Variants in CDH12 observed in about 807,000 individuals in gnomAD.
CDH12 encodes cadherin 12.
CDH12 carries 41 observed loss-of-function variants against 74.1 expected under a neutral mutation model. The ratio of observed to expected loss-of-function variants is 0.55; its 90% CI spans 0.43 to 0.72. The LOEUF is 0.72. CDH12 is among the 30% of genes least tolerant of loss of function. The pLI is 0.00. For missense variants in CDH12, 945 were observed against 977.2 expected, an observed-to-expected ratio of 0.97 and a Z score of 0.44; for synonymous variants, 399 against 355.0, an observed-to-expected ratio of 1.12 and a Z score of -1.39.
chr5:22,026,676 T>C (rs904944328), intron 5 of CDH12, among the ~76,000 whole-genome samples: 4 of 152,174 alleles, frequency 2.6e-5, no homozygotes, highest in Non-Finnish European at 4.4e-5. Context: ...TAGGGTTTCA[T>C]GCTTTCATTA....
intron 1 of CDH12, among the ~76,000 whole-genome samples, chr5:22,732,619 T>C (rs1744490454): frequency 6.6e-6 from 1 of 151,730 alleles, no homozygotes; most frequent in South Asian, 2.1e-4. Context: ...ATGTGAACAG[T>C]GTCCTCCTAT....
rs111860857 is a variant in CDH12 at position 22,094,269 on chromosome 5, C to T, written c.-186-15407G>A. Among the ~76,000 whole-genome samples, 323 of 152,228 alleles carry T rather than the reference C, an allele frequency of 2.1e-3. 1 individual carries two copies. The highest frequency in any genetic ancestry group is 7.4e-3 in the African/African-American group (306 of 41,534). On this transcript the variant is annotated intron_variant, in intron 4 of 14. Coordinates refer to ENST00000382254, the MANE Select transcript of CDH12 (RefSeq NM_004061.5). The stretch of plus-strand genomic sequence containing the variant: ...TTTCTAGACTAAGCCTTGGAACCAA[C>T]TTAAGAGGTGACCCATAAGAATCTG...
intron 3 of CDH12, among the ~76,000 whole-genome samples, chr5:22,296,658 CA>C (rs1737635134): frequency 6.6e-6 from 1 of 152,028 alleles, no homozygotes; most frequent in Admixed American, 6.6e-5. Flanking sequence ...TCTGTATTTT[CA>C]AATATACATG....
intron 6 of CDH12, among the ~76,000 whole-genome samples, chr5:21,911,138 A>G (rs191116804): frequency 1.6e-4 from 25 of 152,324 alleles, no homozygotes; most frequent in African/African-American, 5.8e-4. Flanking sequence ...CCCCAGACAG[A>G]GATAGTGGCT....
chr5:22,410,012 C>A (rs1178068276), intron 2 of CDH12, among the ~76,000 whole-genome samples: 1 of 152,012 alleles, frequency 6.6e-6, no homozygotes. Context: ...TTTTTTATTA[C>A]AATTTTTCTC....
Position 22,077,271 on chromosome 5 carries a change from T to C in CDH12, c.231+1175A>G, listed in dbSNP as rs183852116. Among the ~76,000 whole-genome samples, 591 of 152,272 alleles carry C rather than the reference T, an allele frequency of 3.9e-3. 1 individual carries two copies. Among genetic ancestry groups the C allele is most frequent in the Admixed American group, 6.9e-3 (106 of 15,268 alleles). ...ACAAAGTTTCTATTTAAAGAACTTT[T>C]CCACTGTATAATTTAATATCCTTTA... is the stretch of plus-strand genomic sequence containing the variant. On this transcript the variant is annotated intron_variant, in intron 5 of 14. Coordinates refer to ENST00000382254, the MANE Select transcript of CDH12 (RefSeq NM_004061.5).
intron 1 of CDH12, among the ~76,000 whole-genome samples, chr5:22,536,902 A>T (rs987022052): frequency 2.5e-4 from 38 of 152,348 alleles, no homozygotes; most frequent in Admixed American, 1.8e-3. Flanking sequence ...TCTGATATAA[A>T]TGGCCTCCTG....
chr5:21,799,148 G>A (rs1408753071), intron 10 of CDH12, among the ~76,000 whole-genome samples: 3 of 152,168 alleles, frequency 2.0e-5, no homozygotes, highest in African/African-American at 4.8e-5. Context: ...ATAAAGACAT[G>A]TTATTAGAAA....
chr5:21,883,678 A>C, intron 6 of CDH12: 1 of 1,611,908 alleles, frequency 6.2e-7, no homozygotes, highest in East Asian at 2.2e-5. Flanking sequence ...GGAAAAGGTG[A>C]CAAGGCTCAA....
chr5:22,344,041 C>T (rs937566521), intron 3 of CDH12, among the ~76,000 whole-genome samples: 1 of 152,008 alleles, frequency 6.6e-6, no homozygotes, highest in Non-Finnish European at 1.5e-5. Context: ...TAAGAAACAC[C>T]CTGAAGGGCT....
chr5:22,407,667 T>A (rs1742998601), intron 2 of CDH12, among the ~76,000 whole-genome samples: 2 of 152,052 alleles, frequency 1.3e-5, no homozygotes, highest in Admixed American at 1.3e-4. Flanking sequence ...GCATAATGAG[T>A]TTAGGAGGAG....
intron 2 of CDH12, among the ~76,000 whole-genome samples, chr5:22,410,750 TGAA>T (rs1743138619): frequency 6.6e-6 from 1 of 152,060 alleles, no homozygotes; most frequent in African/African-American, 2.4e-5. Flanking sequence ...ATGCTAGACA[TGAA>T]GAAGATTATT....
intron 6 of CDH12, among the ~76,000 whole-genome samples, chr5:21,890,515 T>C (rs1198099374): frequency 6.6e-6 from 1 of 152,154 alleles, no homozygotes. Context: ...TCAATTGGTG[T>C]ATTTCTCATG....
At chr5:21,792,795 GT>G (rs1037994930) in intron 10 of CDH12, among the ~76,000 whole-genome samples, 8 of 151,566 alleles carry the variant, frequency 5.3e-5, no homozygotes, top group Admixed American at 5.3e-4. Context: ...CTGTCCTTTA[GT>G]TTACTCTGCG....
intron 3 of CDH12, among the ~76,000 whole-genome samples, chr5:22,267,159 G>A (rs1388142821): frequency 6.6e-6 from 1 of 152,102 alleles, no homozygotes; most frequent in African/African-American, 2.4e-5. Flanking sequence ...ATTAATGCAT[G>A]ATTATCGTAT....
At chr5:22,157,812 A>T (rs1748116364) in intron 4 of CDH12, among the ~76,000 whole-genome samples, 1 of 152,124 alleles carries the variant, frequency 6.6e-6, no homozygotes, top group Admixed American at 6.6e-5. Context: ...AGTCTTTAAT[A>T]TGCTAATTTA....
intron 1 of CDH12, among the ~76,000 whole-genome samples, chr5:22,642,363 G>T (rs1008733372): frequency 2.0e-5 from 3 of 152,280 alleles, no homozygotes; most frequent in South Asian, 2.1e-4. Context: ...TAGAAGTCAT[G>T]AACTCTAAGT....
At chr5:22,115,110 T>G (rs1388567445) in intron 4 of CDH12, among the ~76,000 whole-genome samples, 1 of 152,180 alleles carries the variant, frequency 6.6e-6, no homozygotes, top group Non-Finnish European at 1.5e-5. Context: ...TTTATTTACA[T>G]AGATGCTATT....
At chr5:22,245,022 C>T (rs1752899034) in intron 3 of CDH12, among the ~76,000 whole-genome samples, 1 of 152,038 alleles carries the variant, frequency 6.6e-6, no homozygotes, top group African/African-American at 2.4e-5. Flanking sequence ...ATGGTGGAGG[C>T]GCAGCAGCCA....
Sources: allele counts gnomAD v4.1 joint callset (sites outside exome capture counted in the v4.1 genomes callset), GRCh38; gene constraint gnomAD v4.1.1; transcripts MANE v1.5; gene names NCBI Gene and HGNC (gene_info 2026-07-23, HGNC 2026-07-21).